The following LRGUK variants were observed in gnomAD, a reference collection of about 807,000 sequenced individuals.
The protein encoded by LRGUK is leucine-rich repeat and guanylate kinase domain-containing protein.
LRGUK carries 65 observed loss-of-function variants against 76.0 expected under a neutral mutation model. The ratio of observed to expected loss-of-function variants is 0.85; its 90% CI spans 0.70 to 1.05. The LOEUF is 1.05. Among genes scored for constraint, LRGUK ranks in the 50% least tolerant of loss-of-function variants. The probability of loss-of-function intolerance (pLI) is 0.00; values close to 1 mark genes in which losing one functional copy is unlikely to be tolerated. For missense variants in LRGUK, 758 were observed against 732.8 expected, an observed-to-expected ratio of 1.03 and a Z score of -0.40; for synonymous variants, 268 against 265.6, an observed-to-expected ratio of 1.01 and a Z score of -0.09.
chr7:134,189,152 T>C (rs1435765632), intron 11 of LRGUK, among the ~76,000 whole-genome samples: 2 of 152,178 alleles, frequency 1.3e-5, no homozygotes, highest in African/African-American at 2.4e-5. Flanking sequence ...TCTAACTTAG[T>C]CCTTTTCTGT....
intron 6 of LRGUK, among the ~76,000 whole-genome samples, chr7:134,161,786 A>G (rs111371733): frequency 0.14 from 19,790 of 146,276 alleles, 1,640 homozygotes; most frequent in East Asian, 0.33. Flanking sequence ...CGCCTCCCGG[A>G]TTCACGCCAT....
At chr7:134,259,751 G>C (rs962066231) in intron 19 of LRGUK, among the ~76,000 whole-genome samples, 3 of 152,084 alleles carry the variant, frequency 2.0e-5, no homozygotes, top group African/African-American at 7.2e-5. Flanking sequence ...AAATTCTCTT[G>C]GCCTTCATGT....
chr7:134,185,804 C>G (rs1448588614), intron 11 of LRGUK, among the ~76,000 whole-genome samples: 1 of 152,116 alleles, frequency 6.6e-6, no homozygotes, highest in Non-Finnish European at 1.5e-5. Context: ...TCAAACAGGT[C>G]CATTTATTTA....
intron 16 of LRGUK, among the ~76,000 whole-genome samples, chr7:134,241,204 A>G (rs1465393647): frequency 1.3e-5 from 2 of 152,228 alleles, no homozygotes; most frequent in Non-Finnish European, 2.9e-5. Context: ...ACGTAACAAT[A>G]TTAACCTTAA....
intron 18 of LRGUK, among the ~76,000 whole-genome samples, chr7:134,250,724 G>T (rs1030980203): frequency 6.6e-6 from 1 of 152,098 alleles, no homozygotes; most frequent in African/African-American, 2.4e-5. Context: ...TTCTGTAACC[G>T]TGTTGAAACT....
At chr7:134,199,282 C>G in exon 14 of LRGUK, 1 of 1,613,600 alleles carries the variant, frequency 6.2e-7, no homozygotes, top group East Asian at 2.2e-5. Context: ...TGCCCATGAA[C>G]AAGGAAAAAT....
chr7:134,133,116 G>A (rs1028820823), intron 1 of LRGUK, among the ~76,000 whole-genome samples: 8 of 152,154 alleles, frequency 5.3e-5, no homozygotes, highest in African/African-American at 1.9e-4. Context: ...CAGATGAGGT[G>A]CATTCATTCA....
At chr7:134,145,921 T>C (rs1248023032) in intron 4 of LRGUK, among the ~76,000 whole-genome samples, 1 of 152,208 alleles carries the variant, frequency 6.6e-6, no homozygotes, top group Non-Finnish European at 1.5e-5. Flanking sequence ...TGGCTACTTT[T>C]TCCAAGCTCT....
At chr7:134,156,448 A>G (rs940960476) in intron 5 of LRGUK, among the ~76,000 whole-genome samples, 2 of 152,212 alleles carry the variant, frequency 1.3e-5, no homozygotes, top group Non-Finnish European at 2.9e-5. Context: ...AGAAATACTT[A>G]AGATATTGAT....
chr7:134,225,753 A>G (rs1801726090), intron 16 of LRGUK, among the ~76,000 whole-genome samples: 1 of 152,198 alleles, frequency 6.6e-6, no homozygotes, highest in African/African-American at 2.4e-5. Context: ...TATTTATCAC[A>G]TTTTAGGAGA....
At chr7:134,157,012 T>C (rs142903805) in intron 5 of LRGUK, among the ~76,000 whole-genome samples, 19 of 152,196 alleles carry the variant, frequency 1.2e-4, no homozygotes, top group East Asian at 3.9e-4. Flanking sequence ...ATCCTGGAAA[T>C]TGGTCAAAGA....
exon 1 of LRGUK, chr7:134,127,356 C>G (rs1029245062): frequency 1.9e-6 from 3 of 1,553,240 alleles, no homozygotes; most frequent in East Asian, 2.3e-5. Flanking sequence ...CTAGGCAACC[C>G]CGCTAAACAA....
downstream of LRGUK, among the ~76,000 whole-genome samples, chr7:134,265,181 T>C (rs1585615465): frequency 1.3e-5 from 2 of 152,160 alleles, no homozygotes; most frequent in East Asian, 3.9e-4. Flanking sequence ...TCAAGAATAG[T>C]TTAACTTTCA....
chr7:134,238,641 T>G (rs1802067130), intron 16 of LRGUK, among the ~76,000 whole-genome samples: 1 of 152,192 alleles, frequency 6.6e-6, no homozygotes, highest in Non-Finnish European at 1.5e-5. Context: ...ATGTTTTGTG[T>G]CATTTTCTTA....
chr7:134,230,758 A>G (rs1254252591), intron 16 of LRGUK, among the ~76,000 whole-genome samples: 3 of 152,218 alleles, frequency 2.0e-5, no homozygotes, highest in African/African-American at 4.8e-5. Flanking sequence ...ATCTGATTCC[A>G]TTAATATACA....
downstream of LRGUK, among the ~76,000 whole-genome samples, chr7:134,211,871 C>G (rs1471378553): frequency 6.6e-6 from 1 of 152,172 alleles, no homozygotes; most frequent in Non-Finnish European, 1.5e-5. Flanking sequence ...ATGGGAAGGG[C>G]AGGGCTACAG....
At chr7:134,161,890 C>T (rs1031084329) in intron 6 of LRGUK, among the ~76,000 whole-genome samples, 1 of 152,018 alleles carries the variant, frequency 6.6e-6, no homozygotes, top group African/African-American at 2.4e-5. Flanking sequence ...GACGGAGTTT[C>T]ACCATGTTAG....
exon 16 of LRGUK, chr7:134,209,738 C>T: frequency 2.5e-6 from 1 of 400,050 alleles, no homozygotes. Context: ...GCACTCAAAA[C>T]CACCACCAAA....
At chr7:134,210,873 G>T (rs1801238318), downstream of LRGUK, among the ~76,000 whole-genome samples, 1 of 152,140 alleles carries the variant, frequency 6.6e-6, no homozygotes, top group African/African-American at 2.4e-5. Context: ...CAGGACAAAA[G>T]CCCCGCCACT....
Sources: gnomAD v4.1 joint callset for allele counts (sites outside exome capture counted in the v4.1 genomes callset) on GRCh38, gnomAD v4.1.1 for gene constraint, MANE v1.5 for transcripts, NCBI Gene and HGNC (gene_info 2026-07-23, HGNC 2026-07-21) for gene names.